The following NDUFA12 variants were observed in gnomAD, a reference collection of about 807,000 sequenced individuals.
NDUFA12 encodes NADH dehydrogenase [ubiquinone] 1 alpha subcomplex subunit 12.
Under a neutral mutation model 20.3 loss-of-function variants are expected in NDUFA12, and 17 were observed. The ratio of observed to expected loss-of-function variants is 0.84; its 90% CI spans 0.57 to 1.26. The LOEUF is 1.26. NDUFA12 is among the 50% of genes most tolerant of loss of function. The pLI, the probability that NDUFA12 is intolerant of heterozygous loss-of-function variation, is 0.00. For missense variants in NDUFA12, 191 were observed against 183.7 expected, an observed-to-expected ratio of 1.04 and a Z score of -0.23; for synonymous variants, 72 against 63.6, an observed-to-expected ratio of 1.13 and a Z score of -0.63.
intron 3 of NDUFA12, among the ~76,000 whole-genome samples, chr12:94,982,011 G>GA (rs1397603962): frequency 2.0e-5 from 3 of 152,174 alleles, no homozygotes; most frequent in Non-Finnish European, 4.4e-5. Flanking sequence ...AACATTAAAT[G>GA]AAACAGAGAA....
rs7958489 is a variant in NDUFA12 at position 94,979,194 on chromosome 12, T to C, written c.258-7574A>G. Among the ~76,000 whole-genome samples, 956 of 152,066 alleles carry C rather than the reference T, an allele frequency of 6.3e-3. 10 individuals are homozygous for C. Among genetic ancestry groups the C allele is most frequent in the African/African-American group, 0.022 (914 of 41,470 alleles). On this transcript the variant is annotated intron_variant, in intron 3 of 3. Transcript: ENST00000327772. ...AGTGTGCTATGATTGCACCTGTGAATAGCTCCTGTACTCCATCCTCGGCAA... is the reference window on the plus strand; with the variant it reads ...AGTGTGCTATGATTGCACCTGTGAACAGCTCCTGTACTCCATCCTCGGCAA...
chr12:94,981,646 A>C (rs1023525022), intron 3 of NDUFA12, among the ~76,000 whole-genome samples: 4 of 152,230 alleles, frequency 2.6e-5, no homozygotes, highest in Non-Finnish European at 4.4e-5. Flanking sequence ...GTATTCATTA[A>C]GTGCCTATAA....
At chr12:94,991,200 C>T (rs994299273) in intron 3 of NDUFA12, among the ~76,000 whole-genome samples, 2 of 151,874 alleles carry the variant, frequency 1.3e-5, no homozygotes, top group Non-Finnish European at 1.5e-5. Context: ...GCAGGAGGAT[C>T]ACTTGAGCCC....
chr12:94,976,167 A>C (rs2136058944), intron 3 of NDUFA12, among the ~76,000 whole-genome samples: 1 of 152,356 alleles, frequency 6.6e-6, no homozygotes, highest in Non-Finnish European at 1.5e-5. Context: ...GCACTAATCT[A>C]TACACTTTAC....
At chr12:94,977,214 AGGCTAGGCACAGT>A (rs1440835740) in intron 3 of NDUFA12, among the ~76,000 whole-genome samples, 1 of 152,200 alleles carries the variant, frequency 6.6e-6, no homozygotes, top group African/African-American at 2.4e-5. Context: ...AGACTGTAAC[AGGCTAGGCACAGT>A]GGCTGTCACA....
At chr12:94,987,479 G>A (rs1286086856) in intron 3 of NDUFA12, among the ~76,000 whole-genome samples, 1 of 152,162 alleles carries the variant, frequency 6.6e-6, no homozygotes, top group African/African-American at 2.4e-5. Context: ...CTGGCATATG[G>A]ACTATGCTGA....
At chr12:94,979,745 G>A (rs1245183839) in intron 3 of NDUFA12, among the ~76,000 whole-genome samples, 1 of 151,326 alleles carries the variant, frequency 6.6e-6, no homozygotes, top group East Asian at 1.9e-4. Context: ...AGAGGCACAA[G>A]AATTGCTTGA....
At chr12:94,991,710 G>C (rs1359349014) in intron 3 of NDUFA12, among the ~76,000 whole-genome samples, 1 of 142,646 alleles carries the variant, frequency 7.0e-6, no homozygotes, top group Non-Finnish European at 1.5e-5. Context: ...CTGGGCGACA[G>C]AGTGAGACGC....
Position 94,984,726 on chromosome 12 carries a change from ACAAC to A in NDUFA12, c.257+9440_257+9443del, listed in dbSNP as rs149405885. 4.7e-3 allele frequency among the ~76,000 whole-genome samples: 434 copies of A among 91,848 alleles called. 23 individuals carry two copies. The highest frequency in any genetic ancestry group is 0.017 in the African/African-American group (395 of 23,454). The allele number at this position is 91,848 out of a possible 152,430, so 60.3% of individuals were successfully genotyped here. ...TAATGCTAATAGCCAAAAAAAAAAA[ACAAC>A]AAAAAACCCATATATATATAATATA... is the stretch of plus-strand genomic sequence containing the variant. On this transcript the variant is annotated intron_variant, in intron 3 of 3. Coordinates refer to ENST00000327772, the MANE Select transcript of NDUFA12 (RefSeq NM_018838.5).
intron 2 of NDUFA12, among the ~76,000 whole-genome samples, chr12:94,999,528 G>A (rs907330503): frequency 3.9e-5 from 6 of 152,130 alleles, no homozygotes; most frequent in African/African-American, 1.2e-4. Flanking sequence ...ATAATCAGCA[G>A]AGTAAACAGA....
chr12:94,992,487 C>T (rs899617263), intron 3 of NDUFA12, among the ~76,000 whole-genome samples: 20 of 152,164 alleles, frequency 1.3e-4, no homozygotes, highest in African/African-American at 4.8e-4. Context: ...CATTACACAT[C>T]CCAATATATA....
Position 94,971,463 on chromosome 12 carries a change from G to A in NDUFA12, c.415C>T (p.Pro139Ser). Residue 139 changes from proline to serine, a missense_variant, in exon 4 of 4, where the codon CCA (proline) becomes TCA (serine). Pro to Ser is a moderately conservative substitution (Grantham distance 74). Transcript: ENST00000327772. ...CTTTACTTGTAAGGTGTTGAAGGTGGGATCCACTCCTGAATCTTCTTTCTA... is the reference window on the plus strand; with the variant it reads ...CTTTACTTGTAAGGTGTTGAAGGTGAGATCCACTCCTGAATCTTCTTTCTA... ...TTRKKIQEWIPPSTPYK is the reference protein window; with the variant it reads ...TTRKKIQEWISPSTPYK 3 of 1,614,130 alleles carry A rather than the reference G, an allele frequency of 1.9e-6. No homozygotes were observed. Among genetic ancestry groups the A allele is most frequent in the Non-Finnish European group, 2.5e-6 (3 of 1,180,008 alleles).
At chr12:94,984,196 C>G (rs1375021934) in intron 3 of NDUFA12, among the ~76,000 whole-genome samples, 1 of 152,166 alleles carries the variant, frequency 6.6e-6, no homozygotes, top group Non-Finnish European at 1.5e-5. Flanking sequence ...GTCAGTGGTA[C>G]TGGTGGGGAC....
chr12:94,983,655 T>G (rs1874314901), intron 3 of NDUFA12, among the ~76,000 whole-genome samples: 1 of 152,178 alleles, frequency 6.6e-6, no homozygotes, highest in African/African-American at 2.4e-5. Flanking sequence ...AAGCTAAGTT[T>G]AGGATAACTT....
At chr12:94,998,462 T>C (rs1188607822) in intron 2 of NDUFA12, among the ~76,000 whole-genome samples, 1 of 152,198 alleles carries the variant, frequency 6.6e-6, no homozygotes, top group African/African-American at 2.4e-5. Flanking sequence ...TTCAACACAG[T>C]ACTGGAAGTC....
intron 3 of NDUFA12, among the ~76,000 whole-genome samples, chr12:94,983,673 A>C (rs139232224): frequency 6.6e-6 from 1 of 152,332 alleles, no homozygotes; most frequent in Non-Finnish European, 1.5e-5. Context: ...CTTGTTCCAC[A>C]GTATAGACAA....
chr12:94,997,676 C>T (rs4923661), intron 2 of NDUFA12, among the ~76,000 whole-genome samples: 12,170 of 152,008 alleles, frequency 0.08, 562 homozygotes, highest in East Asian at 0.16. Flanking sequence ...AAAAGAAATG[C>T]TCATTAGAGC....
intron 2 of NDUFA12, among the ~76,000 whole-genome samples, chr12:94,997,921 T>C (rs1874890643): frequency 6.6e-6 from 1 of 152,144 alleles, no homozygotes; most frequent in African/African-American, 2.4e-5. Context: ...CAAGGGGACA[T>C]TTGGCAATGT....
At chr12:94,973,952 A>T (rs894760359) in intron 3 of NDUFA12, among the ~76,000 whole-genome samples, 1 of 151,182 alleles carries the variant, frequency 6.6e-6, no homozygotes, top group Non-Finnish European at 1.5e-5. Flanking sequence ...TTTACTTGCA[A>T]AACAGACTCT....
Sources: gnomAD v4.1 joint callset for allele counts (sites outside exome capture counted in the v4.1 genomes callset) on GRCh38, gnomAD v4.1.1 for gene constraint, MANE v1.5 for transcripts, NCBI Gene and HGNC (gene_info 2026-07-23, HGNC 2026-07-21) for gene names.